The following VTI1A variants were observed in gnomAD, a reference collection of about 807,000 sequenced individuals.
VTI1A encodes vesicle transport through interaction with t-SNAREs 1A.
A neutral mutation model predicts 34.9 loss-of-function variants in VTI1A; 22 were observed. The observed-to-expected ratio is 0.63, with a 90% CI of 0.45 to 0.90. The LOEUF is 0.90. Ranked by LOEUF, VTI1A falls within the 40% of genes least tolerant of loss-of-function variation. VTI1A has a pLI of 0.00. For missense variants in VTI1A, 268 were observed against 275.6 expected, an observed-to-expected ratio of 0.97 and a Z score of 0.20; for synonymous variants, 87 against 97.3, an observed-to-expected ratio of 0.89 and a Z score of 0.62.
chr10:112,508,064 G>A (rs1849491226), intron 3 of VTI1A, among the ~76,000 whole-genome samples: 1 of 151,914 alleles, frequency 6.6e-6, no homozygotes, highest in Non-Finnish European at 1.5e-5. Context: ...CAAACAATAA[G>A]TCTATTGTGA....
At chr10:112,480,684 G>C (rs1848433360) in intron 3 of VTI1A, among the ~76,000 whole-genome samples, 1 of 152,154 alleles carries the variant, frequency 6.6e-6, no homozygotes, top group East Asian at 1.9e-4. Flanking sequence ...CATGAACAAA[G>C]AATTTTGGGG....
chr10:112,655,776 G>A (rs966244785), intron 5 of VTI1A, among the ~76,000 whole-genome samples: 2 of 152,192 alleles, frequency 1.3e-5, no homozygotes, highest in Non-Finnish European at 2.9e-5. Context: ...GAAGAATGAA[G>A]GCCAGTGGCC....
At chr10:112,471,752 T>C (rs1848093582) in intron 3 of VTI1A, among the ~76,000 whole-genome samples, 2 of 152,002 alleles carry the variant, frequency 1.3e-5, no homozygotes, top group South Asian at 4.1e-4. Context: ...TGAGGTTAGC[T>C]AGGGCCTTCT....
intron 5 of VTI1A, among the ~76,000 whole-genome samples, chr10:112,663,923 A>G (rs1847553452): frequency 6.6e-6 from 1 of 152,230 alleles, no homozygotes; most frequent in South Asian, 2.1e-4. Flanking sequence ...CACACGCTTC[A>G]GCATAGCTCT....
Position 112,607,737 on chromosome 10 carries a change from G to C in VTI1A, c.428-60481G>C, listed in dbSNP as rs977446814. ...ATGAGGTTATAATTAACTGTAGGCT[G>C]GGGCTGTAGTCATCAGCACACTTGA... On this transcript the variant is annotated intron_variant, in intron 5 of 7. Transcript: ENST00000393077. Among the ~76,000 whole-genome samples the C allele has an allele frequency of 2.0e-4, 31 of 152,266 alleles. 1 individual carries two copies. Among genetic ancestry groups the C allele is most frequent in the Admixed American group, 1.8e-3 (28 of 15,302 alleles).
chr10:112,467,228 A>G (rs1847926247), intron 3 of VTI1A, among the ~76,000 whole-genome samples: 2 of 152,074 alleles, frequency 1.3e-5, no homozygotes, highest in Non-Finnish European at 2.9e-5. Context: ...TTGTTTCTCA[A>G]AGAGTACAAT....
chr10:112,623,000 A>G (rs1845787357), intron 5 of VTI1A, among the ~76,000 whole-genome samples: 1 of 152,224 alleles, frequency 6.6e-6, no homozygotes, highest in Non-Finnish European at 1.5e-5. Flanking sequence ...TGTATAAACT[A>G]GAGCTGTTTC....
intron 5 of VTI1A, among the ~76,000 whole-genome samples, chr10:112,646,551 T>A (rs1384470120): frequency 6.6e-6 from 1 of 151,818 alleles, no homozygotes; most frequent in Admixed American, 6.6e-5. Context: ...AGATGGGAGT[T>A]TTGCTCTTCT....
chr10:112,447,322 G>A lies in VTI1A; in HGVS notation c.-52G>A. The stretch of plus-strand genomic sequence containing the variant: ...CGCGGGGCCCCTCGCTGCCCCTCGA[G>A]GCCCTTTCCCTGACCTAGGCTTTGG... On this transcript the variant is annotated 5_prime_UTR_variant, in exon 1 of 8. Transcript: ENST00000393077. 1 of 1,579,662 alleles carries A rather than the reference G, an allele frequency of 6.3e-7. No homozygotes were observed. The highest frequency in any genetic ancestry group is 8.6e-7 in the Non-Finnish European group (1 of 1,160,458).
At chr10:112,854,513 G>A in the VTI1A span, among the ~76,000 whole-genome samples, 1 of 151,778 alleles carries the variant, frequency 6.6e-6, no homozygotes, top group Non-Finnish European at 1.5e-5. Flanking sequence ...CTGGGCCCCG[G>A]CCGCCCAGAG....
chr10:112,850,039 A>C, the VTI1A span, among the ~76,000 whole-genome samples: 2 of 152,316 alleles, frequency 1.3e-5, no homozygotes, highest in East Asian at 3.9e-4. Flanking sequence ...TGGGATTAAG[A>C]TCACACAAAC....
intron 5 of VTI1A, among the ~76,000 whole-genome samples, chr10:112,571,064 T>G (rs1852098766): frequency 6.6e-6 from 1 of 152,258 alleles, no homozygotes; most frequent in South Asian, 2.1e-4. Flanking sequence ...TGTGTTATCT[T>G]TATCTTCAAA....
At position 112,496,869 on chromosome 10, in the gene VTI1A, C is replaced by T. The variant is rs190242638; in HGVS notation, c.265-30218C>T. ...TTTTTATACCTCTTTTCTTTCTAAC[C>T]AATACAACTGCCAGTTGTACCAATG... On this transcript the variant is annotated intron_variant, in intron 3 of 7. Transcript: ENST00000393077. Among the ~76,000 whole-genome samples the T allele has an allele frequency of 2.6e-5, 4 of 152,136 alleles. No homozygotes were observed. The East Asian group carries it at 7.7e-4, about 29-fold the overall frequency.
At chr10:112,505,093 T>G (rs1019016577) in intron 3 of VTI1A, among the ~76,000 whole-genome samples, 1 of 152,160 alleles carries the variant, frequency 6.6e-6, no homozygotes, top group African/African-American at 2.4e-5. Context: ...AACACTAAAT[T>G]TATCCTATGT....
intron 5 of VTI1A, among the ~76,000 whole-genome samples, chr10:112,562,139 TC>T (rs1851743594): frequency 6.6e-6 from 1 of 152,200 alleles, no homozygotes; most frequent in Non-Finnish European, 1.5e-5. Flanking sequence ...CCAGTACTTG[TC>T]ATATATTCCT....
chr10:112,516,297 C>T (rs1399736228), intron 3 of VTI1A, among the ~76,000 whole-genome samples: 3 of 151,902 alleles, frequency 2.0e-5, no homozygotes, highest in Non-Finnish European at 2.9e-5. Context: ...AACAATAAAA[C>T]AACAGATATG....
chr10:112,548,765 A>C, intron 5 of VTI1A: 1 of 1,471,078 alleles, frequency 6.8e-7, no homozygotes, highest in Non-Finnish European at 9.2e-7. Context: ...TAGTCTGAGA[A>C]GCTCTCGACA....
At chr10:112,456,588 A>C (rs555839667) in intron 1 of VTI1A, among the ~76,000 whole-genome samples, 3 of 152,060 alleles carry the variant, frequency 2.0e-5, no homozygotes, top group Non-Finnish European at 4.4e-5. Flanking sequence ...ACAAGCAAAG[A>C]CTATATTATA....
intron 3 of VTI1A, among the ~76,000 whole-genome samples, chr10:112,474,264 A>G (rs1589807639): frequency 6.6e-6 from 1 of 151,874 alleles, no homozygotes; most frequent in East Asian, 1.9e-4. Flanking sequence ...ACGAGGTTTC[A>G]CTGTGGTCTC....
Sources: gnomAD v4.1 joint callset for allele counts (sites outside exome capture counted in the v4.1 genomes callset) on GRCh38, gnomAD v4.1.1 for gene constraint, MANE v1.5 for transcripts, NCBI Gene and HGNC (gene_info 2026-07-23, HGNC 2026-07-21) for gene names.